CNOT1: variants seen among roughly 807,000 people sequenced by gnomAD.
The protein encoded by CNOT1 is CCR4-NOT transcription complex subunit 1.
CNOT1 carries 15 observed loss-of-function variants against 273.8 expected under a neutral mutation model. That is an observed-to-expected ratio of 0.05 (90% CI 0.04 to 0.08). The LOEUF is 0.08. CNOT1 is among the 10% of genes least tolerant of loss of function. The pLI, the probability that CNOT1 is intolerant of heterozygous loss-of-function variation, is 1.00. For synonymous variants in CNOT1, 1,022 were observed against 1,005.5 expected (o/e 1.02, Z -0.31); for missense variants, 1,644 against 2,912.2 (o/e 0.56, Z 10.02).
At chr16:58,556,087 C>CT (rs1292973470) in intron 19 of CNOT1, among the ~76,000 whole-genome samples, 179 bp from the exon 20 acceptor site, 2 of 152,192 alleles carry the variant, frequency 1.3e-5, no homozygotes, top group Non-Finnish European at 2.9e-5. Flanking sequence ...GTAAAAGATC[C>CT]TTAACAAAGT....
rs1409775659 is a variant in CNOT1, at chr16:58,532,007, G to C, written c.6128C>G (p.Ser2043Cys). 1 of 1,614,172 alleles carries C rather than the reference G, an allele frequency of 6.2e-7. No homozygotes were observed. Residue 2043 changes from serine (S) to cysteine (C), a missense_variant, in exon 42 of 49, where the codon TCC (serine) becomes TGC (cysteine). Ser to Cys is a moderately radical substitution (Grantham distance 112, BLOSUM62 -1). Coordinates refer to ENST00000317147, the MANE Select transcript of CNOT1 (RefSeq NM_016284.5). The part of the protein sequence containing the change: ...GFVYAWLELI[S>C]HRIFIARMLA... Reference sequence around the variant, plus strand: ...CATTCTTGCAATAAATATCCGATGGGAAATCAGTTCAAGCCAGGCATATAC... The same window carrying C: ...CATTCTTGCAATAAATATCCGATGGCAAATCAGTTCAAGCCAGGCATATAC...
intron 2 of CNOT1, among the ~76,000 whole-genome samples, chr16:58,590,124 G>A (rs1451973605): frequency 2.0e-5 from 3 of 152,168 alleles, no homozygotes; most frequent in Non-Finnish European, 4.4e-5. Context: ...AATCACGTTT[G>A]CTAAGAGCCA....
At chr16:58,597,734 TG>T in intron 2 of CNOT1, 1 of 514,386 alleles carries the variant, frequency 1.9e-6, no homozygotes. Flanking sequence ...GAGGGTGTGA[TG>T]GTGGCCCACC....
intron 17 of CNOT1, among the ~76,000 whole-genome samples, chr16:58,559,415 A>G (rs1199370766): frequency 6.6e-6 from 1 of 152,234 alleles, no homozygotes; most frequent in East Asian, 1.9e-4. Flanking sequence ...AAATTTAAGT[A>G]AGTTTCAACA....
intron 1 of CNOT1, among the ~76,000 whole-genome samples, chr16:58,621,882 G>C (rs1414655270): frequency 7.4e-6 from 1 of 134,960 alleles, no homozygotes; most frequent in Non-Finnish European, 1.5e-5. Context: ...CTGCACTCCA[G>C]CCTGGGCGAC....
chr16:58,557,380 ACTT>A (rs1358028822), intron 18 of CNOT1, among the ~76,000 whole-genome samples: 2 of 152,182 alleles, frequency 1.3e-5, no homozygotes, highest in Admixed American at 6.5e-5. Context: ...GAGTCTCAAA[ACTT>A]CTTTATTCCT....
intron 38 of CNOT1, 73 bp from the exon 39 acceptor site, chr16:58,537,293 T>C (rs1351568777): frequency 8.0e-6 from 12 of 1,508,884 alleles, no homozygotes; most frequent in East Asian, 4.6e-5. Flanking sequence ...CATGTATAGT[T>C]TGCTTATTTA....
intron 27 of CNOT1, 134 bp from the exon 28 acceptor site, chr16:58,546,883 T>C (rs989242522): frequency 8.3e-7 from 1 of 1,198,696 alleles, no homozygotes. Flanking sequence ...GATTAAAAAA[T>C]AACCAAAAAC....
intron 21 of CNOT1, 120 bp from the exon 22 acceptor site, chr16:58,553,980 T>C: frequency 6.9e-6 from 9 of 1,306,452 alleles, no homozygotes; most frequent in Middle Eastern, 2.0e-4. Context: ...AATAACTTAT[T>C]TGAAGAAAAT....
chr16:58,573,306 CA>C (rs1409499517), intron 16 of CNOT1, among the ~76,000 whole-genome samples: 18 of 133,680 alleles, frequency 1.3e-4, no homozygotes, highest in African/African-American at 1.1e-4. Context: ...AACTCCATCT[CA>C]AAAAAAAAAG....
intron 16 of CNOT1, among the ~76,000 whole-genome samples, chr16:58,572,870 T>C (rs1224371874): frequency 2.1e-5 from 3 of 144,958 alleles, no homozygotes; most frequent in Non-Finnish European, 4.5e-5. Context: ...ATCGCACCAC[T>C]GCACTCCAGC....
At chr16:58,587,279 A>T (rs191241721) in intron 5 of CNOT1, 24 bp from the exon 6 acceptor site, 1 of 1,613,822 alleles carries the variant, frequency 6.2e-7, no homozygotes, top group Admixed American at 1.7e-5. Context: ...GATTAGATTA[A>T]CCAAAGAGTC....
At chr16:58,542,168 TCAA>T (rs1319946010) in intron 33 of CNOT1, 60 bp downstream of exon 33, 33 of 1,586,464 alleles carry the variant, frequency 2.1e-5, no homozygotes, top group Middle Eastern at 1.7e-4. Flanking sequence ...AGGAGTTCAA[TCAA>T]CAACAACATT....
rs766751599 is a variant in CNOT1 at position 58,542,536 on chromosome 16, A to T, written c.4467T>A (p.Asp1489Glu). 2.1e-6 allele frequency: 3 copies of T among 1,399,656 alleles called. No individual in the cohort carries two copies. The highest frequency in any genetic ancestry group is 2.8e-6 in the Non-Finnish European group (3 of 1,058,568). The allele number at this position is 1,399,656 out of a possible 1,614,324, so 86.7% of individuals were successfully genotyped here. Residue 1489 changes from aspartate to glutamate, a missense_variant, in exon 32 of 49, where the codon GAT becomes GAA. Around this residue, in one of 13 missense-constraint regions of CNOT1, gnomAD observed 133 missense variants for 230.4 expected, o/e 0.58. Coordinates refer to ENST00000317147, the MANE Select transcript of CNOT1 (RefSeq NM_016284.5). ...TASPQQREMM[D>E]QAAAQLAQDN... ...CCTGAGCTAATTGAGCAGCTGCCTG[A>T]TCCATCATTTCTCTTTGTTGTGGGG...
intron 16 of CNOT1, 80 bp from the exon 17 acceptor site, chr16:58,560,442 T>C: frequency 1.3e-6 from 2 of 1,518,512 alleles, no homozygotes; most frequent in Middle Eastern, 1.9e-4. Context: ...TCTGATTTTT[T>C]TTTTTTTTAA....
chr16:58,612,085 G>A (rs112298290), intron 1 of CNOT1, among the ~76,000 whole-genome samples: 1 of 151,926 alleles, frequency 6.6e-6, no homozygotes, highest in Non-Finnish European at 1.5e-5. Context: ...CCTCCCACCT[G>A]AGCCTCCCAA....
intron 16 of CNOT1, among the ~76,000 whole-genome samples, chr16:58,570,691 T>G (rs1488329548): frequency 6.6e-6 from 1 of 152,118 alleles, no homozygotes; most frequent in African/African-American, 2.4e-5. Context: ...ATAATTTGCA[T>G]GACAATAATG....
intron 1 of CNOT1, among the ~76,000 whole-genome samples, chr16:58,612,025 T>C (rs1271710886): frequency 3.1e-5 from 4 of 127,918 alleles, no homozygotes; most frequent in Non-Finnish European, 4.9e-5. Flanking sequence ...AGTCTAGTGG[T>C]GTGACCACAC....
intron 18 of CNOT1, among the ~76,000 whole-genome samples, chr16:58,557,617 A>C (rs1161829658): frequency 1.3e-5 from 1 of 74,296 alleles, no homozygotes; most frequent in Non-Finnish European, 2.8e-5. Context: ...GTAGGTACAA[A>C]CAACCACAAC....
Sources: gnomAD v4.1 joint callset for allele counts (sites outside exome capture counted in the v4.1 genomes callset) on GRCh38, gnomAD v4.1.1 for gene constraint, gnomAD v4.1.1 regional missense constraint, MANE v1.5 for transcripts, NCBI Gene and HGNC (gene_info 2026-07-23, HGNC 2026-07-21) for gene names.